NTRK3: variants seen among roughly 807,000 people sequenced by gnomAD.
The protein encoded by NTRK3 is neurotrophic receptor tyrosine kinase 3, also known as NT-3 growth factor receptor.
In NTRK3, 24 loss-of-function variants were observed where a neutral mutation model predicts 91.7. That is an observed-to-expected ratio of 0.26 (90% CI 0.19 to 0.37). The LOEUF (loss-of-function observed/expected upper bound fraction) is 0.37. NTRK3 is among the 10% of genes least tolerant of loss of function. NTRK3 has a pLI of 1.00. For synonymous variants in NTRK3, 483 were observed against 404.0 expected, an observed-to-expected ratio of 1.20 and a Z score of -2.34; for missense variants, 880 against 1,068.9, an observed-to-expected ratio of 0.82 and a Z score of 2.46.
At chr15:88,250,717 C>T (rs2053261875) in intron 3 of NTRK3, among the ~76,000 whole-genome samples, 1 of 152,198 alleles carries the variant, frequency 6.6e-6, no homozygotes, top group African/African-American at 2.4e-5. Context: ...ACCCTGTCTC[C>T]TTCTCAAGTG....
chr15:88,000,181 G>C (rs543084733), intron 14 of NTRK3, among the ~76,000 whole-genome samples: 2 of 152,312 alleles, frequency 1.3e-5, no homozygotes, highest in South Asian at 4.1e-4. Context: ...TGGACAGGTA[G>C]CTGTATATTC....
At chr15:88,184,226 G>A (rs781691491) in exon 4 of NTRK3, 1 of 1,614,114 alleles carries the variant, frequency 6.2e-7, no homozygotes, top group Non-Finnish European at 8.5e-7. Flanking sequence ...TGTACTCACA[G>A]CTTTTGAAGT....
At chr15:88,055,738 G>T (rs1427948696) in intron 13 of NTRK3, among the ~76,000 whole-genome samples, 1 of 152,124 alleles carries the variant, frequency 6.6e-6, no homozygotes, top group Non-Finnish European at 1.5e-5. Context: ...ACCCAATACT[G>T]AGGCACCAGC....
intron 14 of NTRK3, among the ~76,000 whole-genome samples, chr15:87,981,036 G>T (rs964157151): frequency 2.6e-5 from 4 of 152,102 alleles, no homozygotes; most frequent in African/African-American, 4.8e-5. Context: ...GCCCTATGAA[G>T]CTTCCTCCCC....
chr15:87,929,074 G>C, intron 17 of NTRK3, 117 bp downstream of exon 17: 1 of 1,481,086 alleles, frequency 6.8e-7, no homozygotes, highest in Non-Finnish European at 9.4e-7. Flanking sequence ...GTGCATGTCT[G>C]GGCATGGGTG....
chr15:87,861,935 C>T (rs776563225), exon 19 of NTRK3: 1 of 215,946 alleles, frequency 4.6e-6, no homozygotes, highest in Non-Finnish European at 9.3e-6. Flanking sequence ...TTAGCAGTCA[C>T]TTTGCAGCTC....
intron 14 of NTRK3, among the ~76,000 whole-genome samples, chr15:87,953,227 C>A (rs1198549915): frequency 6.6e-6 from 1 of 152,192 alleles, no homozygotes; most frequent in East Asian, 1.9e-4. Flanking sequence ...GGTGGAATTA[C>A]AAGCGCCCCT....
intron 13 of NTRK3, among the ~76,000 whole-genome samples, chr15:88,122,770 C>T (rs1384882213): frequency 2.0e-5 from 3 of 152,196 alleles, no homozygotes; most frequent in African/African-American, 7.2e-5. Context: ...CTCTCTACTT[C>T]CCACTGCCCA....
chr15:88,048,789 T>C (rs1231133169), intron 13 of NTRK3, among the ~76,000 whole-genome samples: 3 of 152,198 alleles, frequency 2.0e-5, no homozygotes, highest in South Asian at 4.1e-4. Context: ...CAAACCATCT[T>C]ACCAGGAAAG....
intron 3 of NTRK3, among the ~76,000 whole-genome samples, chr15:88,187,620 T>C (rs2047047333): frequency 6.6e-6 from 1 of 152,234 alleles, no homozygotes. Context: ...TTCTGGGCTG[T>C]ACAGGTTGTT....
rs1491166187 is a variant in NTRK3, at chr15:88,033,176, T to TCATATATATATATATATATA, written c.1397-132_1397-131insTATATATATATATATATATG. 3.0e-4 allele frequency: 59 copies of TCATATATATATATATATATA among 196,048 alleles called. 2 individuals are homozygous for TCATATATATATATATATATA. The highest frequency in any genetic ancestry group is 4.2e-4 in the Non-Finnish European group (48 of 113,534). 12.1% of individuals were successfully genotyped at this position (196,048 alleles called of 1,614,324 possible). A position where few individuals can be genotyped will look rare whatever the true frequency, so the allele number is the denominator to read the frequency against. On this transcript the variant is annotated intron_variant, in intron 13 of 18. Coordinates refer to ENST00000394480, the Ensembl canonical transcript of NTRK3. ...CTTTTTTTTACTTTTGGGGGGTGTGTTATATATATATATATATATATATAT... is the reference window on the plus strand; with the variant it reads ...CTTTTTTTTACTTTTGGGGGGTGTGTCATATATATATATATATATATATATATATATATATATATATATAT...
rs1376482147 is a variant in NTRK3, at chr15:88,233,648, C to A, written c.248+22258G>T. Among the ~76,000 whole-genome samples the A allele has an allele frequency of 6.6e-6, 1 of 152,094 alleles. No individual in the cohort carries two copies. The highest frequency in any genetic ancestry group is 2.4e-5 in the African/African-American group (1 of 41,416). On this transcript the variant is annotated intron_variant, in intron 3 of 18. Coordinates refer to ENST00000394480, the Ensembl canonical transcript of NTRK3. The surrounding 1 kb of genome is among the most constrained non-coding windows in gnomAD (Gnocchi z 4.2). The stretch of plus-strand genomic sequence containing the variant: ...CTTCCACAAAAACCAAATGCAGGGT[C>A]TTGGTTTCTTTTGCCTGGAGAGGTC...
chr15:87,864,018 CACAG>C (rs2064597415), exon 19 of NTRK3: 1 of 232,592 alleles, frequency 4.3e-6, no homozygotes, highest in African/African-American at 2.2e-5. Flanking sequence ...CACACACACA[CACAG>C]AATCTCAAAA....
chr15:88,168,145 C>T lies in NTRK3; in HGVS notation c.395+15273G>A, dbSNP rs2045160422. 3.9e-5 allele frequency among the ~76,000 whole-genome samples: 6 copies of T among 152,190 alleles called. No homozygotes were observed. In the South Asian group the frequency reaches 1.2e-3, roughly 32 times the overall value. ...TATTATGCAACTTCTCATGGATTAA[C>T]CAAAATAAGGGAGGTGGGGGCAGGA... On this transcript the variant is annotated intron_variant, in intron 5 of 18. Coordinates refer to ENST00000394480, the Ensembl canonical transcript of NTRK3.
intron 7 of NTRK3, 75 bp from the exon 8 acceptor site, chr15:88,136,684 A>G: frequency 6.5e-7 from 1 of 1,545,766 alleles, no homozygotes; most frequent in Non-Finnish European, 8.8e-7. Context: ...CATGGGGCTG[A>G]TGGTGGCACT....
At chr15:88,227,324 C>T (rs1446389989) in intron 3 of NTRK3, among the ~76,000 whole-genome samples, 1 of 152,220 alleles carries the variant, frequency 6.6e-6, no homozygotes, top group Non-Finnish European at 1.5e-5. Flanking sequence ...TCACCCCCAA[C>T]ATAAAATTCA....
intron 14 of NTRK3, among the ~76,000 whole-genome samples, chr15:87,962,175 T>A (rs1165794488): frequency 6.6e-6 from 1 of 152,222 alleles, no homozygotes; most frequent in Admixed American, 6.5e-5. Flanking sequence ...CCTGTTGCCA[T>A]TGGATCTTGA....
At chr15:88,120,664 T>C (rs949287508) in intron 13 of NTRK3, among the ~76,000 whole-genome samples, 10 of 152,202 alleles carry the variant, frequency 6.6e-5, no homozygotes, top group Admixed American at 3.3e-4. Flanking sequence ...TGCCCCAGGT[T>C]GGAAAAAGTG....
intron 14 of NTRK3, among the ~76,000 whole-genome samples, chr15:87,990,353 G>A (rs922900115): frequency 6.6e-6 from 1 of 152,204 alleles, no homozygotes; most frequent in Non-Finnish European, 1.5e-5. Context: ...CCGTTCTGCA[G>A]ATACCCTCCA....
Sources: gnomAD v4.1 joint callset for allele counts (sites outside exome capture counted in the v4.1 genomes callset) on GRCh38, gnomAD v4.1.1 for gene constraint, Gnocchi (gnomAD v3.1) non-coding constraint, MANE v1.5 for transcripts, NCBI Gene and HGNC (gene_info 2026-07-23, HGNC 2026-07-21) for gene names.